TCERG1L: variants seen among roughly 807,000 people sequenced by gnomAD.
TCERG1L encodes transcription elongation regulator 1 like.
TCERG1L carries 37 observed loss-of-function variants against 56.3 expected under a neutral mutation model. The ratio of observed to expected loss-of-function variants is 0.66; its 90% CI spans 0.51 to 0.87. The LOEUF (loss-of-function observed/expected upper bound fraction) is 0.87. TCERG1L is among the 40% of genes least tolerant of loss of function. TCERG1L has a pLI of 0.00. For missense variants in TCERG1L, 799 were observed against 774.2 expected (o/e 1.03, Z -0.38); for synonymous variants, 324 against 326.3 (o/e 0.99, Z 0.08).
intron 4 of TCERG1L, among the ~76,000 whole-genome samples, chr10:131,257,341 C>G (rs1366546190): frequency 1.3e-5 from 2 of 152,226 alleles, no homozygotes; most frequent in Non-Finnish European, 2.9e-5. Flanking sequence ...GTGCTGACAC[C>G]ACTCTGAAAG....
Position 131,256,992 on chromosome 10 carries a change from G to GGAAGGAAAGAAAA in TCERG1L, c.856+3266_856+3267insTTTTCTTTCCTTC, listed in dbSNP as rs1846173015. Reference sequence around the variant, plus strand: ...AGGAAGGAAGGAAGGAAGGAAGGAAGGAAAGAAAGAAAGAAAGAAAGAAAG... The same window carrying GGAAGGAAAGAAAA: ...AGGAAGGAAGGAAGGAAGGAAGGAAGGAAGGAAAGAAAAGAAAGAAAGAAAGAAAGAAAGAAAG... On this transcript the variant is annotated intron_variant, in intron 4 of 11. Transcript: ENST00000368642. Among the ~76,000 whole-genome samples, 125 of 59,212 alleles carry GGAAGGAAAGAAAA rather than the reference G, an allele frequency of 2.1e-3. 1 individual carries two copies. The highest frequency in any genetic ancestry group is 6.6e-3 in the African/African-American group (120 of 18,142). The allele number at this position is 59,212 out of a possible 152,430, so 38.8% of individuals were successfully genotyped here. A position where few individuals can be genotyped will look rare whatever the true frequency, so the allele number is the denominator to read the frequency against.
chr10:131,202,864 AGTTT>A (rs1474181655), intron 4 of TCERG1L, among the ~76,000 whole-genome samples: 1 of 152,246 alleles, frequency 6.6e-6, no homozygotes, highest in African/African-American at 2.4e-5. Context: ...CATTTTTTAC[AGTTT>A]ATTTAGAAAA....
intron 7 of TCERG1L, among the ~76,000 whole-genome samples, chr10:131,137,909 T>G (rs941260386): frequency 6.6e-6 from 1 of 151,930 alleles, no homozygotes; most frequent in African/African-American, 2.4e-5. Flanking sequence ...GTAGGGGGAT[T>G]AGAAGTAAGT....
chr10:131,150,204 T>C (rs1407312943), intron 6 of TCERG1L, among the ~76,000 whole-genome samples: 1 of 13,648 alleles, frequency 7.3e-5, no homozygotes, highest in Non-Finnish European at 5.3e-4. Flanking sequence ...CAGATGGACC[T>C]GTTGAGCACC....
At chr10:131,177,507 T>C (rs1269213227) in intron 4 of TCERG1L, among the ~76,000 whole-genome samples, 1 of 152,246 alleles carries the variant, frequency 6.6e-6, no homozygotes, top group Non-Finnish European at 1.5e-5. Context: ...ATGAGAACTG[T>C]GTGTGCCCTG....
At chr10:131,232,327 G>T (rs1845861214) in intron 4 of TCERG1L, among the ~76,000 whole-genome samples, 1 of 152,242 alleles carries the variant, frequency 6.6e-6, no homozygotes, top group South Asian at 2.1e-4. Context: ...CCAGCAGGAT[G>T]AGCAGCTGCC....
intron 3 of TCERG1L, among the ~76,000 whole-genome samples, chr10:131,279,016 C>T (rs72849463): frequency 0.23 from 34,539 of 152,106 alleles, 4,822 homozygotes; most frequent in Non-Finnish European, 0.31. Context: ...CACAGGCCCC[C>T]AAAGCTCCAG....
At position 131,203,038 on chromosome 10, in the gene TCERG1L, G is replaced by A. The variant is rs185596381; in HGVS notation, c.857-36153C>T. 6.0e-4 allele frequency among the ~76,000 whole-genome samples: 91 copies of A among 152,248 alleles called. 1 individual carries two copies. Among genetic ancestry groups the A allele is most frequent in the African/African-American group, 1.9e-3 (81 of 41,550 alleles). On this transcript the variant is annotated intron_variant, in intron 4 of 11. Coordinates refer to ENST00000368642, the MANE Select transcript of TCERG1L (RefSeq NM_174937.4). ...TGTGGGGACAGAAGTCAAAGGTCACGCCGACACCGATGTGCTTGATTTATC... is the reference window on the plus strand; with the variant it reads ...TGTGGGGACAGAAGTCAAAGGTCACACCGACACCGATGTGCTTGATTTATC...
intron 3 of TCERG1L, among the ~76,000 whole-genome samples, chr10:131,263,165 T>A (rs1047835009): frequency 6.6e-6 from 1 of 152,132 alleles, no homozygotes; most frequent in Non-Finnish European, 1.5e-5. Context: ...CAGCAGTGAA[T>A]GGGAGTTCCT....
intron 3 of TCERG1L, among the ~76,000 whole-genome samples, chr10:131,287,630 G>T (rs1846560167): frequency 6.6e-6 from 1 of 152,144 alleles, no homozygotes; most frequent in African/African-American, 2.4e-5. Flanking sequence ...TGACTCACTA[G>T]ATTACTTCCA....
intron 4 of TCERG1L, among the ~76,000 whole-genome samples, chr10:131,252,245 C>A (rs1202793196): frequency 6.6e-6 from 1 of 152,148 alleles, no homozygotes; most frequent in Non-Finnish European, 1.5e-5. Context: ...CTGTTTGAGA[C>A]CCTGATTTCA....
intron 4 of TCERG1L, among the ~76,000 whole-genome samples, chr10:131,226,181 T>C (rs1589754434): frequency 6.6e-6 from 1 of 152,138 alleles, no homozygotes; most frequent in African/African-American, 2.4e-5. Flanking sequence ...GCTCAAGCAA[T>C]CCGCCCGCCT....
intron 6 of TCERG1L, among the ~76,000 whole-genome samples, chr10:131,153,632 T>C (rs946760558): frequency 1.1e-4 from 16 of 152,184 alleles, no homozygotes; most frequent in Admixed American, 7.9e-4. Flanking sequence ...CCAGCATTTG[T>C]TGTAAGTGCA....
chr10:131,276,473 A>G (rs1216184076), intron 3 of TCERG1L, among the ~76,000 whole-genome samples: 1 of 152,190 alleles, frequency 6.6e-6, no homozygotes, highest in Non-Finnish European at 1.5e-5. Flanking sequence ...AAACCACTTC[A>G]TTATGTTCAA....
intron 4 of TCERG1L, among the ~76,000 whole-genome samples, chr10:131,231,789 CG>C (rs928675924): frequency 3.7e-4 from 57 of 152,220 alleles, no homozygotes; most frequent in Non-Finnish European, 7.2e-4. Flanking sequence ...AAAAAAAGAC[CG>C]GGACAGCTGA....
intron 3 of TCERG1L, among the ~76,000 whole-genome samples, chr10:131,283,811 G>A (rs975157100): frequency 3.9e-5 from 6 of 152,172 alleles, no homozygotes; most frequent in African/African-American, 1.4e-4. Flanking sequence ...TGCTTAGAAT[G>A]AGCATACAGA....
chr10:131,274,623 C>T (rs147802992), intron 3 of TCERG1L, among the ~76,000 whole-genome samples: 3 of 152,272 alleles, frequency 2.0e-5, no homozygotes, highest in African/African-American at 7.2e-5. Flanking sequence ...TCCCCCAGCG[C>T]GAGGCATTGC....
intron 9 of TCERG1L, 72 bp from the exon 10 acceptor site, chr10:131,104,426 A>G (rs1420048894): frequency 1.0e-6 from 1 of 970,116 alleles, no homozygotes; most frequent in African/African-American, 1.6e-5. Context: ...GAAATGATCC[A>G]CAGTTAAAAA....
At chr10:131,128,009 A>T (rs1845580173) in intron 8 of TCERG1L, among the ~76,000 whole-genome samples, 1 of 152,252 alleles carries the variant, frequency 6.6e-6, no homozygotes, top group African/African-American at 2.4e-5. Context: ...AAAAGAAGCT[A>T]AATAGTAAAA....
Sources: gnomAD v4.1 joint callset for allele counts (sites outside exome capture counted in the v4.1 genomes callset) on GRCh38, gnomAD v4.1.1 for gene constraint, MANE v1.5 for transcripts, NCBI Gene and HGNC (gene_info 2026-07-23, HGNC 2026-07-21) for gene names.